Variants in STON1 observed in about 807,000 individuals in gnomAD.
STON1 encodes stonin-1.
Under a neutral mutation model 60.9 loss-of-function variants are expected in STON1, and 79 were observed. That is an observed-to-expected ratio of 1.30 (90% CI 1.08 to 1.56). The LOEUF is 1.56. Ranked by LOEUF, STON1 falls within the 40% of genes most tolerant of loss-of-function variation. The pLI is 0.00. For missense variants in STON1, 1,166 were observed against 858.9 expected (o/e 1.36, Z -4.47); for synonymous variants, 363 against 306.9 (o/e 1.18, Z -1.91).
chr2:48,566,709 A>G (rs1672959659), intron 1 of STON1, among the ~76,000 whole-genome samples: 1 of 152,222 alleles, frequency 6.6e-6, no homozygotes, highest in Non-Finnish European at 1.5e-5. Flanking sequence ...CATTTATCAA[A>G]GTTAGGCTCC....
At chr2:48,541,071 C>T (rs1407503506) in intron 1 of STON1, among the ~76,000 whole-genome samples, 9 of 152,122 alleles carry the variant, frequency 5.9e-5, no homozygotes, top group Non-Finnish European at 1.0e-4. Context: ...TATTTTGGGC[C>T]GGGCACAGTG....
intron 1 of STON1, among the ~76,000 whole-genome samples, chr2:48,562,661 C>T (rs1335395060): frequency 6.6e-6 from 1 of 152,228 alleles, no homozygotes; most frequent in East Asian, 1.9e-4. Flanking sequence ...GATGCTAAAT[C>T]TCTGTGCTCT....
intron 1 of STON1, among the ~76,000 whole-genome samples, chr2:48,561,540 C>G (rs1330407882): frequency 2.0e-5 from 3 of 152,104 alleles, no homozygotes; most frequent in African/African-American, 7.2e-5. Flanking sequence ...AGGGTGGATC[C>G]CAGCTCACTG....
At chr2:48,535,617 G>A (rs182938934) in intron 1 of STON1, among the ~76,000 whole-genome samples, 8 of 152,288 alleles carry the variant, frequency 5.3e-5, no homozygotes, top group African/African-American at 1.7e-4. Context: ...GGCCGACGTG[G>A]GGGGATCACC....
chr2:48,556,204 G>C (rs1672346204), intron 1 of STON1, among the ~76,000 whole-genome samples: 1 of 33,588 alleles, frequency 3.0e-5, no homozygotes, highest in Non-Finnish European at 6.7e-5. Flanking sequence ...CGGGGCGGCT[G>C]GCCAGGCGGG....
intron 1 of STON1, among the ~76,000 whole-genome samples, chr2:48,557,066 G>T (rs1416868144): frequency 1.9e-5 from 2 of 105,106 alleles, no homozygotes; most frequent in Middle Eastern, 8.9e-3. Context: ...TGGCCGGGCG[G>T]GGGGCTGACC....
At chr2:48,537,217 G>A (rs537622434) in intron 1 of STON1, among the ~76,000 whole-genome samples, 6 of 152,236 alleles carry the variant, frequency 3.9e-5, no homozygotes, top group Non-Finnish European at 7.4e-5. Flanking sequence ...TGCTCTTAAA[G>A]TTTCTCCATT....
Position 48,564,627 on chromosome 2 carries a change from CTTCTCT to C in STON1, c.-47-15954_-47-15949del, listed in dbSNP as rs1558606247. ...CCTTCTCCTTCTCCTTCTCCTTCTCCTTCTCTTTCTCCTTCTCCTTCTTCTTCTTCT... is the reference window on the plus strand; with the variant it reads ...CCTTCTCCTTCTCCTTCTCCTTCTCCTTCTCCTTCTCCTTCTTCTTCTTCT... On this transcript the variant is annotated intron_variant, in intron 1 of 3. Transcript: ENST00000404752. Among the ~76,000 whole-genome samples, 136 of 121,926 alleles carry C rather than the reference CTTCTCT, an allele frequency of 1.1e-3. 3 individuals carry two copies. Among genetic ancestry groups the C allele is most frequent in the African/African-American group, 1.4e-3 (42 of 30,130 alleles). 80.0% of individuals were successfully genotyped at this position (121,926 alleles called of 152,430 possible).
In STON1 at chr2:48,582,024, C is replaced by T. The variant is rs554718083; in HGVS notation, c.1391C>T (p.Pro464Leu). Residue 464 changes from proline to leucine, a missense_variant, in exon 2 of 4, where the codon CCG becomes CTG. Transcript: ENST00000404752. ...TTAACCTTGAATGACCTTGAGTTGC[C>T]GAAGCGAGATGAATCCTATTATGAG... is the stretch of plus-strand genomic sequence containing the variant. ...CFLTLNDLEL[P>L]KRDESYYEKD... 58 of 1,613,842 alleles carry T rather than the reference C, an allele frequency of 3.6e-5. No individual in the cohort carries two copies. The highest frequency in any genetic ancestry group is 1.3e-4 in the Admixed American group (8 of 59,988).
At chr2:48,558,236 A>G (rs964935814) in intron 1 of STON1, among the ~76,000 whole-genome samples, 12 of 152,222 alleles carry the variant, frequency 7.9e-5, no homozygotes, top group African/African-American at 2.9e-4. Flanking sequence ...CAAAATAGAG[A>G]AAGAAAAAAA....
intron 1 of STON1, among the ~76,000 whole-genome samples, chr2:48,543,374 T>G (rs912804446): frequency 6.6e-6 from 1 of 152,144 alleles, no homozygotes; most frequent in Non-Finnish European, 1.5e-5. Flanking sequence ...CCAGCTGTTA[T>G]AGCCCTCCCA....
intron 1 of STON1, among the ~76,000 whole-genome samples, chr2:48,540,029 G>A (rs1363954966): frequency 6.6e-6 from 1 of 152,128 alleles, no homozygotes; most frequent in East Asian, 1.9e-4. Flanking sequence ...TAAAGCCCCA[G>A]CTCGCAGGTA....
At chr2:48,530,938 C>T (rs1399738436) in intron 1 of STON1, 1 of 152,258 alleles carries the variant, frequency 6.6e-6, no homozygotes, top group African/African-American at 2.4e-5. Flanking sequence ...TGTACTGCTT[C>T]TGTTGGTTTG....
At chr2:48,542,770 G>T (rs1288224381) in intron 1 of STON1, among the ~76,000 whole-genome samples, 2 of 152,040 alleles carry the variant, frequency 1.3e-5, no homozygotes, top group Non-Finnish European at 2.9e-5. Context: ...CAGACGTGGT[G>T]GCACATGCGT....
In STON1 at chr2:48,568,495, T is replaced by C. The variant is rs1380834958; in HGVS notation, c.-47-12092T>C. On this transcript the variant is annotated intron_variant, in intron 1 of 3. Coordinates refer to ENST00000404752, the MANE Select transcript of STON1 (RefSeq NM_006873.4). ...GTAGACTCTTGAGGTTGGAGGGGAG[T>C]AGGGGATGATGGTGTGGGAGGGATG... Among the ~76,000 whole-genome samples the C allele has an allele frequency of 2.0e-5, 3 of 150,724 alleles. No individual in the cohort carries two copies. The Admixed American group carries it at 2.0e-4, about 10-fold the overall frequency.
chr2:48,554,465 T>C (rs1672226677), intron 1 of STON1, among the ~76,000 whole-genome samples: 1 of 152,036 alleles, frequency 6.6e-6, no homozygotes, highest in Non-Finnish European at 1.5e-5. Flanking sequence ...TCAGGTGATC[T>C]GCCTGCCTCG....
chr2:48,557,159 A>T (rs1206159432), intron 1 of STON1, among the ~76,000 whole-genome samples: 1 of 82,942 alleles, frequency 1.2e-5, no homozygotes, highest in Non-Finnish European at 2.4e-5. Context: ...CCGGGCGGAG[A>T]CGCTCCTCAC....
intron 1 of STON1, among the ~76,000 whole-genome samples, chr2:48,574,609 C>G (rs1014578950): frequency 1.3e-5 from 2 of 152,172 alleles, no homozygotes; most frequent in Non-Finnish European, 1.5e-5. Context: ...GTCATCTCAG[C>G]TATGAAACTG....
At chr2:48,540,028 A>G (rs992057790) in intron 1 of STON1, among the ~76,000 whole-genome samples, 2 of 152,130 alleles carry the variant, frequency 1.3e-5, no homozygotes, top group African/African-American at 2.4e-5. Context: ...TTAAAGCCCC[A>G]GCTCGCAGGT....
Sources: allele counts gnomAD v4.1 joint callset (sites outside exome capture counted in the v4.1 genomes callset), GRCh38; gene constraint gnomAD v4.1.1; transcripts MANE v1.5; gene names NCBI Gene and HGNC (gene_info 2026-07-23, HGNC 2026-07-21).